KIAA0825: variants seen among roughly 807,000 people sequenced by gnomAD.
The protein encoded by KIAA0825 is uncharacterized protein KIAA0825.
In KIAA0825, 119 loss-of-function variants were observed where a neutral mutation model predicts 147.6. The ratio of observed to expected loss-of-function variants is 0.81; its 90% CI spans 0.69 to 0.94. The LOEUF (loss-of-function observed/expected upper bound fraction) is 0.94, where lower values mean the gene tolerates loss of function less well. Among genes scored for constraint, KIAA0825 ranks in the 40% least tolerant of loss-of-function variants. KIAA0825 has a pLI of 0.00. For missense variants in KIAA0825, 1,381 were observed against 1,472.7 expected (o/e 0.94, Z 1.02); for synonymous variants, 470 against 518.1 (o/e 0.91, Z 1.26).
In KIAA0825 at chr5:94,391,584, C is replaced by T. The variant is rs1562450215; in HGVS notation, c.3407G>A (p.Gly1136Asp). 6.4e-7 allele frequency: 1 copy of T among 1,551,642 alleles called. No individual in the cohort carries two copies. Among genetic ancestry groups the T allele is most frequent in the East Asian group, 2.4e-5 (1 of 40,916 alleles). Residue 1136 changes from glycine to aspartate, a missense_variant, in exon 18 of 21, where the codon GGT (glycine) becomes GAT (aspartate). Coordinates refer to ENST00000682413, the MANE Select transcript of KIAA0825 (RefSeq NM_001145678.3). ...AATTTGCCTCAGGTACTCCCTGCCA[C>T]CTGGTTTGTGGCAGAGATCCAGGAC... is the stretch of plus-strand genomic sequence containing the variant. ...TMVLDLCHKPGGREYLRQIYH... is the reference protein window; with the variant it reads ...TMVLDLCHKPDGREYLRQIYH...
At chr5:94,289,383 T>A (rs936748021) in intron 20 of KIAA0825, among the ~76,000 whole-genome samples, 6 of 151,480 alleles carry the variant, frequency 4.0e-5, no homozygotes, top group African/African-American at 1.5e-4. Context: ...AAAAATACAA[T>A]AATTAACCGG....
chr5:94,594,667 T>C, intron 1 of KIAA0825: 1 of 624,340 alleles, frequency 1.6e-6, no homozygotes, highest in Non-Finnish European at 3.0e-6. Flanking sequence ...AAATGACATT[T>C]GGAATTTTTG....
chr5:94,306,433 T>G (rs978119272), intron 20 of KIAA0825, among the ~76,000 whole-genome samples: 1 of 151,798 alleles, frequency 6.6e-6, no homozygotes, highest in African/African-American at 2.4e-5. Flanking sequence ...CTGAGAAAAA[T>G]CCAGCACCAT....
intron 20 of KIAA0825, among the ~76,000 whole-genome samples, chr5:94,198,654 G>A (rs1042247460): frequency 2.5e-4 from 38 of 152,064 alleles, no homozygotes; most frequent in Non-Finnish European, 8.8e-5. Flanking sequence ...TGCATGCAGG[G>A]CTTAAAACCT....
intron 20 of KIAA0825, 71 bp from the exon 21 acceptor site, chr5:94,154,195 C>G (rs879500658): frequency 1.3e-5 from 12 of 926,342 alleles, no homozygotes; most frequent in Admixed American, 2.0e-5. Context: ...TTAATCAAGT[C>G]TTGAATATGT....
chr5:94,493,918 A>C (rs984500233), intron 5 of KIAA0825, among the ~76,000 whole-genome samples: 3 of 152,076 alleles, frequency 2.0e-5, no homozygotes, highest in African/African-American at 7.2e-5. Flanking sequence ...CTGGGTTTGA[A>C]ATATTTCCTC....
At chr5:94,557,520 G>A (rs1351192166) in intron 2 of KIAA0825, among the ~76,000 whole-genome samples, 1 of 151,784 alleles carries the variant, frequency 6.6e-6, no homozygotes, top group Non-Finnish European at 1.5e-5. Context: ...AGACCATTAT[G>A]AGAGACAGGA....
intron 20 of KIAA0825, among the ~76,000 whole-genome samples, chr5:94,252,005 T>C (rs906069822): frequency 1.3e-5 from 2 of 152,074 alleles, no homozygotes; most frequent in Non-Finnish European, 2.9e-5. Flanking sequence ...CAAGACATGA[T>C]AAATATATTC....
intron 2 of KIAA0825, among the ~76,000 whole-genome samples, chr5:94,546,792 C>CAAAAAA (rs372542896): frequency 4.0e-5 from 2 of 49,652 alleles, no homozygotes; most frequent in East Asian, 6.0e-4. Context: ...GTCCAGGCAC[C>CAAAAAA]AAAAAAAAAA....
chr5:94,440,231 G>T (rs1329235250), intron 13 of KIAA0825, 110 bp from the exon 14 acceptor site: 5 of 1,104,686 alleles, frequency 4.5e-6, no homozygotes, highest in Non-Finnish European at 6.3e-6. Flanking sequence ...ATTCCTCCCT[G>T]ATTACTCTGA....
intron 2 of KIAA0825, among the ~76,000 whole-genome samples, chr5:94,560,951 A>C (rs746323643): frequency 2.6e-5 from 4 of 152,174 alleles, no homozygotes; most frequent in Non-Finnish European, 5.9e-5. Context: ...AGTGATTGAA[A>C]TGTCTCTTGT....
intron 2 of KIAA0825, among the ~76,000 whole-genome samples, chr5:94,552,276 T>C (rs865990764): frequency 2.0e-5 from 3 of 152,136 alleles, no homozygotes; most frequent in South Asian, 2.1e-4. Flanking sequence ...AAAAGGCAAA[T>C]ATGAGATGTA....
chr5:94,357,938 A>G (rs573693706), intron 20 of KIAA0825, among the ~76,000 whole-genome samples: 1 of 152,184 alleles, frequency 6.6e-6, no homozygotes, highest in African/African-American at 2.4e-5. Flanking sequence ...GCTTTCCTCA[A>G]TGACATTTCG....
At chr5:94,594,634 T>G (rs1000395546) in intron 1 of KIAA0825, 23 of 642,518 alleles carry the variant, frequency 3.6e-5, no homozygotes, top group Admixed American at 9.5e-5. Context: ...ATCCTTCACA[T>G]AAAAGGAAAA....
At chr5:94,354,591 A>C (rs62364577) in intron 20 of KIAA0825, among the ~76,000 whole-genome samples, 2,412 of 152,324 alleles carry the variant, frequency 0.016, 27 homozygotes, top group Middle Eastern at 0.031. Flanking sequence ...AAAACATGAC[A>C]TATTTTATTT....
chr5:94,200,320 G>T (rs1771550658), intron 20 of KIAA0825, among the ~76,000 whole-genome samples: 1 of 152,152 alleles, frequency 6.6e-6, no homozygotes. Context: ...ATAAGCCTTA[G>T]TGCTTGGCAA....
intron 1 of KIAA0825, among the ~76,000 whole-genome samples, chr5:94,589,618 T>G (rs1327578487): frequency 6.6e-6 from 1 of 152,128 alleles, no homozygotes; most frequent in Non-Finnish European, 1.5e-5. Flanking sequence ...GTTTTGTACA[T>G]CTCGTTGTAT....
chr5:94,426,162 T>A (rs1200758147), intron 14 of KIAA0825, among the ~76,000 whole-genome samples: 1 of 151,924 alleles, frequency 6.6e-6, no homozygotes, highest in Non-Finnish European at 1.5e-5. Flanking sequence ...TGATCCATCA[T>A]GCCTGGCCAG....
At chr5:94,161,207 T>A (rs994853323) in intron 20 of KIAA0825, among the ~76,000 whole-genome samples, 2 of 152,214 alleles carry the variant, frequency 1.3e-5, no homozygotes, top group Non-Finnish European at 2.9e-5. Context: ...TACTGCTACA[T>A]CAAACCAGCA....
Sources: allele counts gnomAD v4.1 joint callset (sites outside exome capture counted in the v4.1 genomes callset), GRCh38; gene constraint gnomAD v4.1.1; transcripts MANE v1.5; gene names NCBI Gene and HGNC (gene_info 2026-07-23, HGNC 2026-07-21).